The following ASAH1 variants were observed in gnomAD, a reference collection of about 807,000 sequenced individuals.
ASAH1 encodes acid ceramidase.
ASAH1 carries 70 observed loss-of-function variants against 59.5 expected under a neutral mutation model. The ratio of observed to expected loss-of-function variants is 1.18; its 90% confidence interval spans 0.97 to 1.43. ASAH1 has a LOEUF of 1.43. Ranked by LOEUF, ASAH1 falls within the 40% of genes most tolerant of loss-of-function variation. The pLI, the probability that ASAH1 is intolerant of heterozygous loss-of-function variation, is 0.00. For synonymous variants in ASAH1, 213 were observed against 166.5 expected (o/e 1.28, Z -2.15); for missense variants, 660 against 482.5 (o/e 1.37, Z -3.45).
intron 5 of ASAH1, 119 bp downstream of exon 5, chr8:18,067,101 G>GCACCTGTGCTGTATATCTAAGACATACAA (rs1799959055): frequency 3.4e-6 from 3 of 874,340 alleles, no homozygotes; most frequent in Non-Finnish European, 4.9e-6. Flanking sequence ...TAAGACCTGT[G>GCACCTGTGCTGTATATCTAAGACATACAA]CACCTGTGCT....
At chr8:18,084,804 A>G, upstream of ASAH1, 1 of 1,613,282 alleles carries the variant, frequency 6.2e-7, no homozygotes, top group Non-Finnish European at 8.5e-7. Flanking sequence ...CAGTTCATTA[A>G]GCGGCTGTGT....
At chr8:18,067,135 T>TGTGCTGTATATCTAAGACATACAGCACCC in intron 5 of ASAH1, 85 bp downstream of exon 5, 2 of 1,209,976 alleles carry the variant, frequency 1.7e-6, no homozygotes, top group Non-Finnish European at 2.3e-6. Context: ...ATACAGCACC[T>TGTGCTGTATATCTAAGACATACAGCACCC]GTGCTGTATG....
intron 1 of ASAH1, chr8:18,082,973 G>C (rs1344839236): frequency 6.6e-6 from 1 of 152,140 alleles, no homozygotes; most frequent in African/African-American, 2.4e-5. Flanking sequence ...AGGAAAAACT[G>C]TATATACTAT....
intron 5 of ASAH1, chr8:18,065,428 C>A (rs1166547794): frequency 6.6e-6 from 1 of 152,084 alleles, no homozygotes; most frequent in African/African-American, 2.4e-5. Flanking sequence ...ATAAATACTA[C>A]TGATTTTCAC....
chr8:18,064,351 C>A (rs1364099584), intron 6 of ASAH1, 106 bp downstream of exon 6: 3 of 891,078 alleles, frequency 3.4e-6, no homozygotes, highest in South Asian at 1.5e-5. Flanking sequence ...GCAACATACA[C>A]AGAATTTACA....
In ASAH1 at chr8:18,059,404, A is replaced by T. The variant is rs1394834562; in HGVS notation, c.978T>A (p.His326Gln). The change falls in exon 12 of 14, where the codon CAT becomes CAA. Residue 326 changes from histidine to glutamine, a missense_variant. Physicochemically the swap from His to Gln is conservative, Grantham distance 24. Coordinates refer to ENST00000637790, the MANE Select transcript of ASAH1 (RefSeq NM_177924.5). ...VVQTNYDRWKHPFFLDDRRTP... is the reference protein window; with the variant it reads ...VVQTNYDRWKQPFFLDDRRTP... Reference sequence around the variant, plus strand: ...TTCTGCGATCATCAAGGAAGAAGGGATGTTTCCAACGGTCATAATTTGTTT... The same window carrying T: ...TTCTGCGATCATCAAGGAAGAAGGGTTGTTTCCAACGGTCATAATTTGTTT... 1 of 1,614,204 alleles carries T rather than the reference A, an allele frequency of 6.2e-7. No individual in the cohort carries two copies. The highest frequency in any genetic ancestry group is 1.3e-5 in the African/African-American group (1 of 75,058).
Position 18,058,872 on chromosome 8 carries a change from A to G in ASAH1, c.1061T>C (p.Met354Thr), listed in dbSNP as rs779831936. The G allele has an allele frequency of 9.9e-6, 16 of 1,612,250 alleles. No homozygotes were observed. Among genetic ancestry groups the G allele is most frequent in the Middle Eastern group, 1.6e-4 (1 of 6,082 alleles). Residue 354 changes from methionine to threonine, a missense_variant, in exon 13 of 14, where the codon ATG becomes ACG. Physicochemically the swap from Met to Thr is moderately conservative, Grantham distance 81 (BLOSUM62 -1). Transcript: ENST00000637790. ...TSQENISFET[M>T]YDVLSTKPVL... is the part of the protein sequence containing the mutation. The stretch of plus-strand genomic sequence containing the variant: ...AGGTTTTGTTGACAGGACATCATAC[A>G]TGGTTTCAAATGAGATATTCTAAAA...
At chr8:18,084,706 C>T, upstream of ASAH1, 1 of 1,613,724 alleles carries the variant, frequency 6.2e-7, no homozygotes, top group Non-Finnish European at 8.5e-7. Flanking sequence ...TGCCAAATCC[C>T]AGAATTGAGG....
intron 1 of ASAH1, among the ~76,000 whole-genome samples, chr8:18,078,857 C>G (rs1800523614): frequency 6.6e-6 from 1 of 152,146 alleles, no homozygotes; most frequent in African/African-American, 2.4e-5. Context: ...TCAATTCTCT[C>G]TAACCCTCTC....
intron 1 of ASAH1, among the ~76,000 whole-genome samples, chr8:18,078,102 C>T (rs770220530): frequency 3.9e-5 from 6 of 152,074 alleles, no homozygotes; most frequent in Non-Finnish European, 7.3e-5. Flanking sequence ...GAATAATCTG[C>T]GCGTAGTTCA....
intron 3 of ASAH1, among the ~76,000 whole-genome samples, chr8:18,070,454 T>C (rs1412205030): frequency 1.3e-5 from 2 of 151,926 alleles, no homozygotes; most frequent in African/African-American, 4.8e-5. Context: ...GGCCTAATTT[T>C]TGTATTTTTA....
intron 10 of ASAH1, 60 bp downstream of exon 10, chr8:18,061,317 A>T: frequency 7.2e-7 from 1 of 1,385,314 alleles, no homozygotes; most frequent in Non-Finnish European, 1.0e-6. Flanking sequence ...AAATATTTTT[A>T]TTTTTTAATA....
intron 1 of ASAH1, chr8:18,083,198 A>G (rs1042948642): frequency 1.3e-5 from 2 of 152,240 alleles, no homozygotes; most frequent in African/African-American, 4.8e-5. Context: ...TCTGTTGGCA[A>G]AGACAAACGC....
intron 1 of ASAH1, among the ~76,000 whole-genome samples, chr8:18,081,524 T>C (rs1051171185): frequency 1.7e-4 from 26 of 152,238 alleles, no homozygotes; most frequent in African/African-American, 6.3e-4. Flanking sequence ...GATGATGTCA[T>C]CTGGCGCTAT....
chr8:18,072,574 C>T (rs569829542), intron 2 of ASAH1, among the ~76,000 whole-genome samples: 32 of 152,250 alleles, frequency 2.1e-4, no homozygotes, highest in African/African-American at 7.7e-4. Context: ...TTGTTCTTCT[C>T]AAAGCATTTT....
chr8:18,064,399 G>T (rs1799838846), intron 6 of ASAH1, 58 bp downstream of exon 6: 1 of 1,301,398 alleles, frequency 7.7e-7, no homozygotes, highest in Non-Finnish European at 1.1e-6. Context: ...ATTTCATTTA[G>T]AAGATTTTTC....
At chr8:18,084,570 G>T, upstream of ASAH1, 1 of 1,545,742 alleles carries the variant, frequency 6.5e-7, no homozygotes, top group Non-Finnish European at 8.8e-7. Flanking sequence ...GAAATGAGTT[G>T]AGTTATTCAT....
intron 1 of ASAH1, among the ~76,000 whole-genome samples, chr8:18,078,514 T>C (rs895199508): frequency 2.6e-5 from 4 of 152,134 alleles, no homozygotes; most frequent in African/African-American, 7.2e-5. Context: ...CATGAACGCC[T>C]AAGTCGTTTA....
At chr8:18,064,601 A>T in intron 5 of ASAH1, 70 bp from the exon 6 acceptor site, 2 of 921,808 alleles carry the variant, frequency 2.2e-6, no homozygotes, top group East Asian at 5.2e-5. Context: ...GTTTTAAGAA[A>T]AAGTTTCAGT....
Sources: gnomAD v4.1 joint callset for allele counts (sites outside exome capture counted in the v4.1 genomes callset) on GRCh38, gnomAD v4.1.1 for gene constraint, MANE v1.5 for transcripts, NCBI Gene and HGNC (gene_info 2026-07-23, HGNC 2026-07-21) for gene names.